Variants in NALCN observed in about 807,000 individuals in gnomAD.
The protein encoded by NALCN is sodium leak channel, non-selective.
In NALCN, 111 loss-of-function variants were observed where a neutral mutation model predicts 225.3. The observed-to-expected ratio is 0.49, with a 90% confidence interval of 0.42 to 0.58. The LOEUF is 0.58. Ranked by LOEUF, NALCN falls within the 20% of genes least tolerant of loss-of-function variation. The probability of loss-of-function intolerance (pLI) is 0.00; values close to 1 mark genes in which losing one functional copy is unlikely to be tolerated. For missense variants in NALCN, 1,378 were observed against 2,202.4 expected (o/e 0.63, Z 7.49); for synonymous variants, 764 against 769.0 (o/e 0.99, Z 0.11).
chr13:101,211,195 T>G lies in NALCN; in HGVS notation c.1626+18198A>C, dbSNP rs567542526. Among the ~76,000 whole-genome samples, 6 of 152,166 alleles carry G rather than the reference T, an allele frequency of 3.9e-5. 1 individual carries two copies. Among genetic ancestry groups the G allele is most frequent in the Admixed American group, 2.0e-4 (3 of 15,260 alleles). ...AATGACTTTCATTTATTTTTAAAAT[T>G]TGAACAATGGAACAGTCTGATTATT... On this transcript the variant is annotated intron_variant, in intron 13 of 43. Transcript: ENST00000251127.
At chr13:101,231,433 TGTATAAATTA>T (rs2041345419) in intron 12 of NALCN, among the ~76,000 whole-genome samples, 1 of 152,180 alleles carries the variant, frequency 6.6e-6, no homozygotes, top group Non-Finnish European at 1.5e-5. Flanking sequence ...ATGATTAGTA[TGTATAAATTA>T]GTACATAATT....
At chr13:101,358,627 G>A (rs7330287) in intron 6 of NALCN, among the ~76,000 whole-genome samples, 4,917 of 152,308 alleles carry the variant, frequency 0.032, 271 homozygotes, top group African/African-American at 0.11. Context: ...CACTGTGGAA[G>A]ACAATGTGAT....
intron 15 of NALCN, among the ~76,000 whole-genome samples, chr13:101,172,653 G>A (rs1372899804): frequency 2.6e-5 from 4 of 152,096 alleles, no homozygotes; most frequent in African/African-American, 7.2e-5. Flanking sequence ...TCCGCCTCCC[G>A]GGTTTACGCC....
chr13:101,238,985 T>C (rs563427934), intron 11 of NALCN, among the ~76,000 whole-genome samples: 1 of 152,082 alleles, frequency 6.6e-6, no homozygotes, highest in East Asian at 1.9e-4. Flanking sequence ...AGATTCTAGT[T>C]GCTTTTTAAT....
chr13:101,178,280 G>A (rs1252627073), intron 14 of NALCN, among the ~76,000 whole-genome samples: 1 of 152,062 alleles, frequency 6.6e-6, no homozygotes, highest in Non-Finnish European at 1.5e-5. Context: ...CCTGGGCACT[G>A]GAGCAGGCAT....
At chr13:101,201,628 CAT>C (rs1594424223) in intron 13 of NALCN, among the ~76,000 whole-genome samples, 2 of 152,092 alleles carry the variant, frequency 1.3e-5, no homozygotes, top group Non-Finnish European at 1.5e-5. Flanking sequence ...TTTGTGTAAA[CAT>C]ATGTTTTGAT....
At chr13:101,319,099 A>G (rs1032794421) in intron 7 of NALCN, among the ~76,000 whole-genome samples, 3 of 152,204 alleles carry the variant, frequency 2.0e-5, no homozygotes, top group Admixed American at 2.0e-4. Context: ...ATGAATGAGA[A>G]CTGCAGTATA....
At chr13:101,305,680 T>C (rs1038094540) in intron 7 of NALCN, among the ~76,000 whole-genome samples, 1 of 152,238 alleles carries the variant, frequency 6.6e-6, no homozygotes, top group Admixed American at 6.5e-5. Flanking sequence ...ACAGATTCTG[T>C]ACAATGTAGG....
At chr13:101,257,206 A>ATTTT (rs1344436783) in intron 11 of NALCN, among the ~76,000 whole-genome samples, 1 of 81,110 alleles carries the variant, frequency 1.2e-5, no homozygotes, top group Non-Finnish European at 2.7e-5. Context: ...CTTATTGTTT[A>ATTTT]TTGTTTTTTT....
intron 11 of NALCN, among the ~76,000 whole-genome samples, chr13:101,247,203 A>G (rs2140180585): frequency 6.6e-6 from 1 of 152,278 alleles, no homozygotes; most frequent in African/African-American, 2.4e-5. Context: ...AAGGACAGAG[A>G]CCAACTACCC....
chr13:101,291,940 G>C, intron 9 of NALCN, 50 bp downstream of exon 9: 2 of 1,564,318 alleles, frequency 1.3e-6, no homozygotes, highest in African/African-American at 1.4e-5. Flanking sequence ...GTGAGGGTGA[G>C]ACATGTGCAT....
At chr13:101,331,358 G>A (rs1015094203) in intron 7 of NALCN, among the ~76,000 whole-genome samples, 1 of 152,054 alleles carries the variant, frequency 6.6e-6, no homozygotes, top group African/African-American at 2.4e-5. Flanking sequence ...GTTTGAAACA[G>A]AATTAGATAG....
In NALCN at chr13:101,089,915, C is replaced by T. The variant is rs2139549282; in HGVS notation, c.3321G>A (p.Ala1107=). The T allele has an allele frequency of 1.9e-6, 3 of 1,614,060 alleles. No homozygotes were observed. Among genetic ancestry groups the T allele is most frequent in the African/African-American group, 1.3e-5 (1 of 75,052 alleles). ...CTTTCAAGGAGAGAACTTCAAACAACGCCAGCATAGCGTTTCCCACATTGT... is the reference window on the plus strand; with the variant it reads ...CTTTCAAGGAGAGAACTTCAAACAATGCCAGCATAGCGTTTCCCACATTGT... ...NFDNVGNAML[A]LFEVLSLKGW... is the part of the protein sequence containing the mutation. The change falls in exon 29 of 44, where the codon GCG becomes GCA. Residue 1107 remains alanine (A), a synonymous_variant. Coordinates refer to ENST00000251127, the MANE Select transcript of NALCN (RefSeq NM_052867.4). This position sits in a 1 kb window ranked among gnomAD's most constrained non-coding sequence, Gnocchi z 4.7.
intron 22 of NALCN, among the ~76,000 whole-genome samples, chr13:101,106,693 T>C (rs2035126485): frequency 1.3e-5 from 2 of 152,090 alleles, no homozygotes. Flanking sequence ...TTATGAGGGG[T>C]TTCTGCTTTC....
chr13:101,297,456 C>T (rs549223942), intron 7 of NALCN, among the ~76,000 whole-genome samples: 1 of 152,326 alleles, frequency 6.6e-6, no homozygotes, highest in Admixed American at 6.5e-5. Context: ...ATTTCTTTCT[C>T]TCTCCCAGTG....
Position 101,229,577 on chromosome 13 carries a change from C to T in NALCN, c.1442G>A (p.Arg481Gln). The change falls in exon 13 of 44, where the codon CGA becomes CAA. Residue 481 changes from arginine to glutamine, a missense_variant. By Grantham distance (43) the Arg-to-Gln change is conservative. Around this residue, in one of 19 missense-constraint regions of NALCN, gnomAD observed 144 missense variants for 187.7 expected, o/e 0.77. Transcript: ENST00000251127. ...HSQFTYFQVL[R>Q]VVRLIKISPA... is the part of the protein sequence containing the mutation. Reference sequence around the variant, plus strand: ...TGAAATCTTAATCAGCCGAACTACTCGGAGAACCTATCAAGGGAGAGAGAA... The same window carrying T: ...TGAAATCTTAATCAGCCGAACTACTTGGAGAACCTATCAAGGGAGAGAGAA... The T allele has an allele frequency of 6.3e-7, 1 of 1,582,634 alleles. No individual in the cohort carries two copies. The highest frequency in any genetic ancestry group is 8.6e-7 in the Non-Finnish European group (1 of 1,165,848).
intron 41 of NALCN, among the ~76,000 whole-genome samples, chr13:101,060,749 T>C (rs895052916): frequency 3.5e-4 from 53 of 152,174 alleles, no homozygotes; most frequent in African/African-American, 1.2e-3. Context: ...TTTGTGCTTG[T>C]CTTGGTTCTG....
At chr13:101,124,412 G>C (rs1359545443) in intron 18 of NALCN, among the ~76,000 whole-genome samples, 196 bp downstream of exon 18, 1 of 152,016 alleles carries the variant, frequency 6.6e-6, no homozygotes, top group Admixed American at 6.5e-5. Flanking sequence ...GGCCTACTGA[G>C]CTACTAAAAT....
chr13:101,099,430 C>G (rs2034688898), intron 27 of NALCN, among the ~76,000 whole-genome samples: 1 of 151,846 alleles, frequency 6.6e-6, no homozygotes, highest in African/African-American at 2.4e-5. Context: ...AAAATCTATA[C>G]TAGATAGCCA....
Sources: allele counts gnomAD v4.1 joint callset (sites outside exome capture counted in the v4.1 genomes callset), GRCh38; gene constraint gnomAD v4.1.1; regional missense constraint gnomAD v4.1.1; non-coding constraint Gnocchi (gnomAD v3.1); transcripts MANE v1.5; gene names NCBI Gene and HGNC (gene_info 2026-07-23, HGNC 2026-07-21).